The following KAZN variants were observed in gnomAD, a reference collection of about 807,000 sequenced individuals.
KAZN encodes kazrin, periplakin interacting protein, also known as kazrin.
A neutral mutation model predicts 87.4 loss-of-function variants in KAZN; 40 were observed. That is an observed-to-expected ratio of 0.46 (90% CI 0.36 to 0.60). The LOEUF (loss-of-function observed/expected upper bound fraction) is 0.60, where lower values mean the gene tolerates loss of function less well. KAZN is among the 20% of genes least tolerant of loss of function. KAZN has a pLI of 0.00. For missense variants in KAZN, 898 were observed against 1,073.9 expected, an observed-to-expected ratio of 0.84 and a Z score of 2.29; for synonymous variants, 466 against 458.3, an observed-to-expected ratio of 1.02 and a Z score of -0.22.
At chr1:14,680,097 T>C (rs1640479737) in intron 1 of KAZN, among the ~76,000 whole-genome samples, 1 of 152,312 alleles carries the variant, frequency 6.6e-6, no homozygotes, top group East Asian at 1.9e-4. Context: ...TGGGAGGTGA[T>C]ATTTTTAATT....
At chr1:14,325,572 A>C (rs1464219703) in intron 2 of KAZN, among the ~76,000 whole-genome samples, 3 of 152,170 alleles carry the variant, frequency 2.0e-5, no homozygotes, top group Non-Finnish European at 4.4e-5. Context: ...AGAATATTCA[A>C]AAAAATGGTC....
intron 2 of KAZN, among the ~76,000 whole-genome samples, chr1:14,188,730 G>A (rs1646364773): frequency 6.6e-6 from 1 of 152,094 alleles, no homozygotes; most frequent in Non-Finnish European, 1.5e-5. Context: ...TTTCTTCCCT[G>A]GTGGCATGCA....
chr1:14,937,862 C>T (rs918612605), intron 1 of KAZN, among the ~76,000 whole-genome samples: 1 of 152,236 alleles, frequency 6.6e-6, no homozygotes, highest in African/African-American at 2.4e-5. Context: ...TGACTTGAAT[C>T]CATACCCAGC....
intron 1 of KAZN, among the ~76,000 whole-genome samples, chr1:14,937,173 G>A (rs1476482166): frequency 6.6e-6 from 1 of 152,200 alleles, no homozygotes; most frequent in Admixed American, 6.5e-5. Context: ...GTGGCAGAGA[G>A]TGGCGCTGCA....
intron 2 of KAZN, among the ~76,000 whole-genome samples, chr1:14,346,439 T>C (rs550594648): frequency 6.6e-6 from 1 of 152,212 alleles, no homozygotes; most frequent in African/African-American, 2.4e-5. Flanking sequence ...TCAGCCCTCC[T>C]GGGGTGAGGA....
intron 1 of KAZN, among the ~76,000 whole-genome samples, chr1:14,852,299 G>A (rs61773566): frequency 0.037 from 5,699 of 152,322 alleles, 156 homozygotes; most frequent in Middle Eastern, 0.12. Context: ...CCTGAGAGAT[G>A]GGCTGAGGCC....
chr1:15,102,163 T>C (rs1573308228), intron 11 of KAZN, among the ~76,000 whole-genome samples: 1 of 151,574 alleles, frequency 6.6e-6, no homozygotes, highest in South Asian at 2.1e-4. Flanking sequence ...AAGCCCAGGG[T>C]TTTATGAATA....
chr1:14,824,475 C>G (rs1317585398), intron 1 of KAZN, among the ~76,000 whole-genome samples: 1 of 152,184 alleles, frequency 6.6e-6, no homozygotes, highest in African/African-American at 2.4e-5. Context: ...AGTAGACCTA[C>G]CCGGCACCCA....
At chr1:14,034,363 A>G (rs1272839741) in intron 1 of KAZN, among the ~76,000 whole-genome samples, 1 of 152,128 alleles carries the variant, frequency 6.6e-6, no homozygotes, top group Non-Finnish European at 1.5e-5. Context: ...TGTTTACAAG[A>G]GTCCTGTTTG....
At chr1:14,157,664 C>A (rs927125734) in intron 1 of KAZN, among the ~76,000 whole-genome samples, 1 of 152,108 alleles carries the variant, frequency 6.6e-6, no homozygotes, top group African/African-American at 2.4e-5. Flanking sequence ...CTTTCTTTAT[C>A]CTTGTCCTAT....
At chr1:14,410,728 T>G (rs1664236257) in intron 2 of KAZN, among the ~76,000 whole-genome samples, 1 of 152,024 alleles carries the variant, frequency 6.6e-6, no homozygotes, top group Non-Finnish European at 1.5e-5. Flanking sequence ...AGAAGGGCAA[T>G]GTGAAAGAGA....
Position 14,953,271 on chromosome 1 carries a change from C to T in KAZN, c.227-7413C>T, listed in dbSNP as rs1662713673. 4.6e-5 allele frequency among the ~76,000 whole-genome samples: 7 copies of T among 152,378 alleles called. No homozygotes were observed. In the South Asian group the frequency reaches 1.2e-3, roughly 27 times the overall value. On this transcript the variant is annotated intron_variant, in intron 1 of 14. Coordinates refer to ENST00000376030, the MANE Select transcript of KAZN (RefSeq NM_201628.3). ...CACTCATACCCTGCTGAGGGGCATG[C>T]CCCCCTCTGCTGGCATCCACCAAGC...
chr1:14,050,121 CATGCATGTGCACAT>C (rs1642256091), intron 1 of KAZN, among the ~76,000 whole-genome samples: 1 of 92,478 alleles, frequency 1.1e-5, no homozygotes, highest in African/African-American at 5.2e-5. Flanking sequence ...TGTGTGTGGG[CATGCATGTGCACAT>C]GTGTGGATTT....
chr1:14,142,727 G>C (rs898442300), intron 1 of KAZN, among the ~76,000 whole-genome samples: 1 of 152,176 alleles, frequency 6.6e-6, no homozygotes. Context: ...GAGGCAGATG[G>C]GCCCGCTGCA....
chr1:14,454,034 C>T (rs1275592769), intron 2 of KAZN, among the ~76,000 whole-genome samples: 1 of 152,184 alleles, frequency 6.6e-6, no homozygotes, highest in Non-Finnish European at 1.5e-5. Flanking sequence ...GTATATTTCA[C>T]AGGCAATGAG....
intron 1 of KAZN, among the ~76,000 whole-genome samples, chr1:14,925,840 T>G (rs1659111405): frequency 6.6e-6 from 1 of 152,162 alleles, no homozygotes; most frequent in Non-Finnish European, 1.5e-5. Flanking sequence ...GTTTTCCTTT[T>G]CCCACCTTCT....
chr1:13,917,862 A>C (rs1639917678), intron 1 of KAZN, among the ~76,000 whole-genome samples: 2 of 152,098 alleles, frequency 1.3e-5, no homozygotes, highest in South Asian at 2.1e-4. Context: ...TGCTCTATAA[A>C]TGGAACAGCA....
chr1:13,960,344 T>C (rs1641703633), intron 1 of KAZN, among the ~76,000 whole-genome samples: 1 of 152,224 alleles, frequency 6.6e-6, no homozygotes, highest in Non-Finnish European at 1.5e-5. Flanking sequence ...ACTGGGATTC[T>C]AACCCGGACA....
intron 1 of KAZN, among the ~76,000 whole-genome samples, chr1:14,670,929 C>G (rs868759137): frequency 1.3e-5 from 2 of 152,162 alleles, no homozygotes; most frequent in Non-Finnish European, 2.9e-5. Context: ...GTAATCACGG[C>G]TGGAGGGTGG....
Sources: allele counts gnomAD v4.1 joint callset (sites outside exome capture counted in the v4.1 genomes callset), GRCh38; gene constraint gnomAD v4.1.1; transcripts MANE v1.5; gene names NCBI Gene and HGNC (gene_info 2026-07-23, HGNC 2026-07-21).